The following DENND10 variants were observed in gnomAD, a reference collection of about 807,000 sequenced individuals.
DENND10 encodes the protein DENN domain-containing protein 10.
Under a neutral mutation model 43.6 loss-of-function variants are expected in DENND10, and 24 were observed. The ratio of observed to expected loss-of-function variants is 0.55; its 90% CI spans 0.40 to 0.77. The LOEUF (loss-of-function observed/expected upper bound fraction) is 0.77. Ranked by LOEUF, DENND10 falls within the 30% of genes least tolerant of loss-of-function variation. The pLI is 0.00. For synonymous variants in DENND10, 125 were observed against 157.6 expected, an observed-to-expected ratio of 0.79 and a Z score of 1.55; for missense variants, 303 against 429.9, an observed-to-expected ratio of 0.70 and a Z score of 2.61.
chr10:119,107,108 G>A (rs1014990770), intron 1 of DENND10, among the ~76,000 whole-genome samples: 1 of 152,096 alleles, frequency 6.6e-6, no homozygotes, highest in Non-Finnish European at 1.5e-5. Flanking sequence ...CCTGAGGTCA[G>A]GAGTTCAAGA....
intron 6 of DENND10, among the ~76,000 whole-genome samples, chr10:119,125,344 GGGTATATAATA>G (rs960323218): frequency 1.6e-4 from 25 of 151,530 alleles, no homozygotes; most frequent in African/African-American, 5.8e-4. Context: ...TAATTGTTAT[GGGTATATAATA>G]GGTATATGTA....
chr10:119,108,990 G>A (rs1457946860), intron 2 of DENND10, among the ~76,000 whole-genome samples: 3 of 151,884 alleles, frequency 2.0e-5, no homozygotes, highest in Admixed American at 6.6e-5. Flanking sequence ...TGAGGCAGGC[G>A]CATCACCTGA....
intron 4 of DENND10, among the ~76,000 whole-genome samples, chr10:119,119,623 C>G (rs750696830): frequency 6.6e-6 from 1 of 152,128 alleles, no homozygotes; most frequent in Non-Finnish European, 1.5e-5. Context: ...CTGTGTTGCC[C>G]AGGCTGGTCT....
Position 119,108,016 on chromosome 10 carries a change from C to T in DENND10, c.104C>T (p.Thr35Met), listed in dbSNP as rs942250644. Residue 35 changes from threonine to methionine, a missense_variant, in exon 2 of 9, where the codon ACG (threonine) becomes ATG (methionine). Physicochemically the swap from Thr to Met is moderately conservative, Grantham distance 81. Transcript: ENST00000361432. ...EVLWVWCYPS[T>M]TATLRNLLLR... is the part of the protein sequence containing the mutation. Reference sequence around the variant, plus strand: ...CTGTGGGTGTGGTGTTATCCTTCCACGACAGCCACATTAAGGAACCTGCTG... The same window carrying T: ...CTGTGGGTGTGGTGTTATCCTTCCATGACAGCCACATTAAGGAACCTGCTG... 8.1e-6 allele frequency: 13 copies of T among 1,613,670 alleles called. No individual in the cohort carries two copies. The highest frequency in any genetic ancestry group is 4.4e-5 in the South Asian group (4 of 91,084).
Position 119,120,352 on chromosome 10 carries a change from C to G in DENND10, c.493C>G (p.Gln165Glu). 6.3e-7 allele frequency: 1 copy of G among 1,596,412 alleles called. No individual in the cohort carries two copies. Among genetic ancestry groups the G allele is most frequent in the Non-Finnish European group, 8.6e-7 (1 of 1,163,978 alleles). Residue 165 changes from glutamine to glutamate, a missense_variant, in exon 5 of 9, where the codon CAG becomes GAG. Transcript: ENST00000361432. ...LAGSIKDIVS[Q>E]FGMETVILHT... ...TCTCTTTTTTGAAGACATTGTATCTCAGTTTGGAATGGAAACTGTTATCTT... is the reference window on the plus strand; with the variant it reads ...TCTCTTTTTTGAAGACATTGTATCTGAGTTTGGAATGGAAACTGTTATCTT...
chr10:119,127,260 T>C (rs1845880236), intron 6 of DENND10, among the ~76,000 whole-genome samples: 1 of 152,098 alleles, frequency 6.6e-6, no homozygotes. Flanking sequence ...TCTGGAATAA[T>C]TTTTTGTGTA....
chr10:119,107,437 T>C (rs1381604505), intron 1 of DENND10, among the ~76,000 whole-genome samples: 2 of 151,584 alleles, frequency 1.3e-5, no homozygotes, highest in African/African-American at 4.8e-5. Flanking sequence ...CAAGTTTTGC[T>C]CTGTTGCCCA....
At chr10:119,105,539 C>A in intron 1 of DENND10, 1 of 1,152,348 alleles carries the variant, frequency 8.7e-7, no homozygotes, top group Non-Finnish European at 1.1e-6. Flanking sequence ...CAAACTGCTT[C>A]AAAACAAAAC....
chr10:119,136,352 C>T (rs1200429384), intron 8 of DENND10, 119 bp from the exon 9 acceptor site: 184 of 1,218,674 alleles, frequency 1.5e-4, no homozygotes, highest in South Asian at 6.7e-4. Flanking sequence ...TGAGCCACCA[C>T]GCCAAGCTCA....
At chr10:119,118,389 A>G (rs1474868720) in intron 4 of DENND10, among the ~76,000 whole-genome samples, 1 of 152,190 alleles carries the variant, frequency 6.6e-6, no homozygotes, top group African/African-American at 2.4e-5. Context: ...GAAGAGCCCA[A>G]GGCCTTGACC....
intron 5 of DENND10, 101 bp downstream of exon 5, chr10:119,120,553 T>C (rs1161274868): frequency 1.3e-6 from 1 of 755,870 alleles, no homozygotes; most frequent in African/African-American, 1.7e-5. Flanking sequence ...TTGCTATAAA[T>C]AGCATGTGGT....
At chr10:119,133,665 T>C (rs1459875029) in intron 8 of DENND10, 1 of 152,258 alleles carries the variant, frequency 6.6e-6, no homozygotes, top group Non-Finnish European at 1.5e-5. Context: ...GGAGGTGACA[T>C]GTCAGCGGAA....
chr10:119,119,609 C>A (rs1192826279), intron 4 of DENND10, among the ~76,000 whole-genome samples: 1 of 150,902 alleles, frequency 6.6e-6, no homozygotes, highest in Non-Finnish European at 1.5e-5. Flanking sequence ...TAGAGACAGT[C>A]TCCCTGTGTT....
At chr10:119,117,421 T>G in intron 3 of DENND10, 98 bp from the exon 4 acceptor site, 1 of 1,299,938 alleles carries the variant, frequency 7.7e-7, no homozygotes, top group East Asian at 2.4e-5. Context: ...CAAGGTGGCC[T>G]CGGATTCTTG....
At chr10:119,105,514 T>C (rs930237944) in intron 1 of DENND10, 23 of 1,174,670 alleles carry the variant, frequency 2.0e-5, no homozygotes, top group Non-Finnish European at 2.5e-5. Flanking sequence ...CTGTATTTAT[T>C]TCTAATGTGA....
At chr10:119,117,494 G>A in intron 3 of DENND10, 25 bp from the exon 4 acceptor site, 1 of 1,606,670 alleles carries the variant, frequency 6.2e-7, no homozygotes, top group Non-Finnish European at 8.5e-7. Context: ...TGAAATCACA[G>A]TTGCTTTGTT....
Position 119,120,445 on chromosome 10 carries a change from T to A in DENND10, c.586T>A (p.Phe196Ile). The A allele has an allele frequency of 2.5e-6, 4 of 1,597,240 alleles. No individual in the cohort carries two copies. Among genetic ancestry groups the A allele is most frequent in the Non-Finnish European group, 3.4e-6 (4 of 1,164,940 alleles). ...CCCCAAGATAGAAGCGGTCCAGGAG[T>A]TCACCAGGTATCACCTCTAATTATA... ...YHPKIEAVQE[F>I]TRTLPALVWH... Residue 196 changes from phenylalanine (F) to isoleucine (I), a missense_variant, in exon 5 of 9, where the codon TTC becomes ATC. Physicochemically the swap from Phe to Ile is conservative, Grantham distance 21. Coordinates refer to ENST00000361432, the MANE Select transcript of DENND10 (RefSeq NM_207009.4).
At chr10:119,125,593 C>T (rs1294657275) in intron 6 of DENND10, among the ~76,000 whole-genome samples, 1 of 148,576 alleles carries the variant, frequency 6.7e-6, no homozygotes, top group East Asian at 2.0e-4. Flanking sequence ...CTACGGCCTC[C>T]ACCTCCCAGG....
chr10:119,129,689 C>A, intron 7 of DENND10, 67 bp downstream of exon 7: 1 of 1,158,972 alleles, frequency 8.6e-7, no homozygotes, highest in South Asian at 1.3e-5. Flanking sequence ...TAGGCTGATT[C>A]TCTAAAACCA....
Sources: allele counts gnomAD v4.1 joint callset (sites outside exome capture counted in the v4.1 genomes callset), GRCh38; gene constraint gnomAD v4.1.1; transcripts MANE v1.5; gene names NCBI Gene and HGNC (gene_info 2026-07-23, HGNC 2026-07-21).